VWA3B: variants seen among roughly 807,000 people sequenced by gnomAD.
The protein encoded by VWA3B is von Willebrand factor A domain-containing protein 3B.
In VWA3B, 138 loss-of-function variants were observed where a neutral mutation model predicts 158.3. That is an observed-to-expected ratio of 0.87 (90% confidence interval 0.76 to 1.00). The LOEUF (loss-of-function observed/expected upper bound fraction) is 1.00. Ranked by LOEUF, VWA3B falls within the 50% of genes least tolerant of loss-of-function variation. The pLI is 0.00. For missense variants in VWA3B, 1,555 were observed against 1,565.1 expected, an observed-to-expected ratio of 0.99 and a Z score of 0.11; for synonymous variants, 596 against 587.3, an observed-to-expected ratio of 1.01 and a Z score of -0.21.
intron 1 of VWA3B, among the ~76,000 whole-genome samples, chr2:98,089,237 G>A (rs1054942650): frequency 2.6e-5 from 4 of 152,110 alleles, no homozygotes; most frequent in African/African-American, 4.8e-5. Context: ...TGCGTATGAG[G>A]CCCTGTGCTG....
intron 8 of VWA3B, among the ~76,000 whole-genome samples, chr2:98,163,228 G>C (rs921845934): frequency 3.3e-5 from 5 of 152,062 alleles, no homozygotes; most frequent in African/African-American, 1.2e-4. Flanking sequence ...ACCCAGAGCT[G>C]GACAGTAAAG....
intron 13 of VWA3B, among the ~76,000 whole-genome samples, chr2:98,213,653 G>T (rs1683730869): frequency 6.6e-6 from 1 of 152,154 alleles, no homozygotes; most frequent in South Asian, 2.1e-4. Flanking sequence ...ATTTCAAGAA[G>T]AGGCAAGTAG....
At chr2:98,215,601 T>A (rs570399919) in intron 13 of VWA3B, among the ~76,000 whole-genome samples, 4 of 149,222 alleles carry the variant, frequency 2.7e-5, no homozygotes, top group African/African-American at 9.9e-5. Flanking sequence ...CACTGCAAGC[T>A]CCACCTCCCG....
chr2:98,256,237 A>C, intron 21 of VWA3B, 63 bp downstream of exon 21: 1 of 1,563,214 alleles, frequency 6.4e-7, no homozygotes, highest in Non-Finnish European at 8.7e-7. Flanking sequence ...CCTAAAATTA[A>C]CCATTTTAAA....
intron 2 of VWA3B, among the ~76,000 whole-genome samples, chr2:98,111,599 G>T (rs1674135934): frequency 6.6e-6 from 1 of 152,124 alleles, no homozygotes; most frequent in Non-Finnish European, 1.5e-5. Flanking sequence ...ATTGTGACTG[G>T]TGTGAAATGG....
intron 2 of VWA3B, among the ~76,000 whole-genome samples, chr2:98,098,144 C>G (rs549164351): frequency 6.6e-6 from 1 of 152,152 alleles, no homozygotes; most frequent in African/African-American, 2.4e-5. Context: ...CCTAACATAT[C>G]AGCTATCCTA....
rs775242375 is a variant in VWA3B, at chr2:98,298,047, T to C, written c.3282+16T>C. On this transcript the variant is annotated intron_variant, in intron 24 of 27. Coordinates refer to ENST00000477737, the MANE Select transcript of VWA3B (RefSeq NM_144992.5). ...GCTGCTCCAGGTACCCAGTCCCTGA[T>C]GTGTTCTGGGGCCCCTTTTCACCAT... 16 of 1,531,608 alleles carry C rather than the reference T, an allele frequency of 1.0e-5. No homozygotes were observed. Among genetic ancestry groups the C allele is most frequent in the East Asian group, 4.9e-5 (2 of 40,838 alleles). The allele number at this position is 1,531,608 out of a possible 1,614,324, so 94.9% of individuals were successfully genotyped here.
intron 2 of VWA3B, 128 bp downstream of exon 2, chr2:98,093,416 T>G: frequency 1.1e-6 from 1 of 887,916 alleles, no homozygotes; most frequent in Non-Finnish European, 1.7e-6. Context: ...TCCCTATCAG[T>G]AGAAAATGCT....
chr2:98,097,395 C>A (rs1372989999), intron 2 of VWA3B, among the ~76,000 whole-genome samples: 1 of 152,132 alleles, frequency 6.6e-6, no homozygotes, highest in Non-Finnish European at 1.5e-5. Flanking sequence ...AAAATAATGG[C>A]CTGCAGCTCC....
At chr2:98,328,087 A>G in the VWA3B span, among the ~76,000 whole-genome samples, 2 of 152,144 alleles carry the variant, frequency 1.3e-5, no homozygotes, top group Non-Finnish European at 2.9e-5. Context: ...GTCTCATGCT[A>G]CAAGGGACCT....
intron 14 of VWA3B, among the ~76,000 whole-genome samples, chr2:98,224,662 A>G (rs1684771627): frequency 6.6e-6 from 1 of 152,174 alleles, no homozygotes; most frequent in African/African-American, 2.4e-5. Context: ...AAACCATAAA[A>G]TACTGGAAGT....
At chr2:98,187,556 A>G (rs1381089741) in intron 9 of VWA3B, among the ~76,000 whole-genome samples, 1 of 151,892 alleles carries the variant, frequency 6.6e-6, no homozygotes, top group African/African-American at 2.4e-5. Context: ...CTTCTTTACC[A>G]GGACTTTCCA....
At chr2:98,099,950 CTT>C (rs1682970568) in intron 2 of VWA3B, among the ~76,000 whole-genome samples, 1 of 152,010 alleles carries the variant, frequency 6.6e-6, no homozygotes, top group Non-Finnish European at 1.5e-5. Context: ...ATTCTGGTAA[CTT>C]ATGGTTTTCC....
At chr2:98,278,752 G>C (rs908148584) in intron 22 of VWA3B, among the ~76,000 whole-genome samples, 12 of 152,272 alleles carry the variant, frequency 7.9e-5, no homozygotes, top group African/African-American at 2.2e-4. Flanking sequence ...GTACAGGATG[G>C]GGGGGTGGTG....
intron 6 of VWA3B, among the ~76,000 whole-genome samples, chr2:98,131,106 G>A (rs868244210): frequency 6.6e-6 from 1 of 151,894 alleles, no homozygotes; most frequent in Admixed American, 6.6e-5. Flanking sequence ...TTTATCCCCC[G>A]ATCCTCACAC....
At chr2:98,263,036 A>G (rs1288486092) in intron 21 of VWA3B, among the ~76,000 whole-genome samples, 2 of 151,744 alleles carry the variant, frequency 1.3e-5, no homozygotes, top group South Asian at 2.1e-4. Context: ...TTTTGGTGCT[A>G]TTGTAGATGG....
chr2:98,292,907 T>G (rs1574293670), intron 23 of VWA3B, among the ~76,000 whole-genome samples: 1 of 151,688 alleles, frequency 6.6e-6, no homozygotes, highest in Non-Finnish European at 1.5e-5. Context: ...GAGGTTGCAG[T>G]GAGCCAAGAT....
rs551712038 is a variant in VWA3B at position 98,163,740 on chromosome 2, C to T, written c.1114+764C>T. 4.6e-5 allele frequency among the ~76,000 whole-genome samples: 7 copies of T among 152,160 alleles called. No homozygotes were observed. The South Asian group carries it at 6.2e-4, about 14-fold the overall frequency. On this transcript the variant is annotated intron_variant, in intron 8 of 27. Transcript: ENST00000477737. ...AGATGTTAAGGGCAGGGGGGCTTCT[C>T]GCTAAACCAACTTGACAGGATTCTT...
chr2:98,329,683 G>C, the VWA3B span, among the ~76,000 whole-genome samples: 1 of 152,174 alleles, frequency 6.6e-6, no homozygotes, highest in East Asian at 1.9e-4. Context: ...TCTAGGTATT[G>C]TGAAGGTATC....
Sources: allele counts gnomAD v4.1 joint callset (sites outside exome capture counted in the v4.1 genomes callset), GRCh38; gene constraint gnomAD v4.1.1; transcripts MANE v1.5; gene names NCBI Gene and HGNC (gene_info 2026-07-23, HGNC 2026-07-21).